Variants in TBCE observed in about 807,000 individuals in gnomAD.
TBCE encodes tubulin-specific chaperone E.
In TBCE, 53 loss-of-function variants were observed where a neutral mutation model predicts 77.0. The observed-to-expected ratio is 0.69, with a 90% CI of 0.55 to 0.87. TBCE has a LOEUF of 0.87. Among genes scored for constraint, TBCE ranks in the 40% least tolerant of loss-of-function variants. The pLI is 0.00. For missense variants in TBCE, 624 were observed against 622.4 expected (o/e 1.00, Z -0.03); for synonymous variants, 235 against 241.3 (o/e 0.97, Z 0.24).
At chr1:235,426,483 G>A (rs147024044) in intron 5 of TBCE, among the ~76,000 whole-genome samples, 6 of 152,266 alleles carry the variant, frequency 3.9e-5, no homozygotes, top group African/African-American at 1.4e-4. Context: ...GGTGAGGCTT[G>A]TGTGTATACC....
chr1:235,383,347 G>C (rs1436284096), intron 2 of TBCE, among the ~76,000 whole-genome samples: 1 of 152,078 alleles, frequency 6.6e-6, no homozygotes, highest in Non-Finnish European at 1.5e-5. Flanking sequence ...TTCCAATTCT[G>C]TGAAGAAAGT....
At position 235,450,639 on chromosome 1, in the gene TBCE, T is replaced by C. The variant is rs190592936; in HGVS notation, c.*1877T>C. Reference sequence around the variant, plus strand: ...TAGAAACCACAAGTGAGTTTCATGTTTGCTAGTAAAGGTGTGTCTATGGCA... The same window carrying C: ...TAGAAACCACAAGTGAGTTTCATGTCTGCTAGTAAAGGTGTGTCTATGGCA... On this transcript the variant is annotated 3_prime_UTR_variant, in exon 17 of 17. Coordinates refer to ENST00000642610, the MANE Select transcript of TBCE (RefSeq NM_003193.5). 2.8e-4 allele frequency: 98 copies of C among 346,762 alleles called. No individual in the cohort carries two copies. The highest frequency in any genetic ancestry group is 2.0e-3 in the African/African-American group (94 of 48,182). The allele number at this position is 346,762 out of a possible 1,614,324, so 21.5% of individuals were successfully genotyped here. A position where few individuals can be genotyped will look rare whatever the true frequency, so the allele number is the denominator to read the frequency against.
intron 5 of TBCE, among the ~76,000 whole-genome samples, chr1:235,420,869 C>T (rs1255274995): frequency 6.6e-6 from 1 of 152,068 alleles, no homozygotes; most frequent in Non-Finnish European, 1.5e-5. Flanking sequence ...CAGGTGATTC[C>T]CCTGCCTCGG....
intron 2 of TBCE, among the ~76,000 whole-genome samples, chr1:235,398,934 C>T (rs192821762): frequency 1.4e-3 from 212 of 151,564 alleles, no homozygotes; most frequent in African/African-American, 3.7e-3. Context: ...CGTGAGCTCC[C>T]GTGCCCAGCC....
At chr1:235,433,758 G>C (rs1681243788) in intron 7 of TBCE, 2 of 159,024 alleles carry the variant, frequency 1.3e-5, no homozygotes, top group South Asian at 3.6e-4. Flanking sequence ...AATGAAAGAA[G>C]AAATAATTGT....
rs377515576 is a variant in TBCE, at chr1:235,409,757, C to T, written c.186-4676C>T. Among the ~76,000 whole-genome samples the T allele has an allele frequency of 1.6e-4, 21 of 130,386 alleles. No individual in the cohort carries two copies. In the East Asian group the frequency reaches 2.0e-3, roughly 13 times the overall value. The allele number at this position is 130,386 out of a possible 152,430, so 85.5% of individuals were successfully genotyped here. On this transcript the variant is annotated intron_variant, in intron 3 of 16. Transcript: ENST00000642610. ...AAAGTGTAGATTTAGGGCCTGGCGC[C>T]GTGGCTCATGCCTGTAATCCCAGCA...
At position 235,380,967 on chromosome 1, in the gene TBCE, G is replaced by T. The variant is rs189364759; in HGVS notation, c.100+818G>T. On this transcript the variant is annotated intron_variant, in intron 2 of 16. Coordinates refer to ENST00000642610, the MANE Select transcript of TBCE (RefSeq NM_003193.5). ...CACCCGACTAATTTTGAATTTTTAGGGGAGACAGGGTTTCTCCATGTTGGT... is the reference window on the plus strand; with the variant it reads ...CACCCGACTAATTTTGAATTTTTAGTGGAGACAGGGTTTCTCCATGTTGGT... Among the ~76,000 whole-genome samples the T allele has an allele frequency of 5.4e-3, 825 of 151,544 alleles. 8 individuals are homozygous for T. Among genetic ancestry groups the T allele is most frequent in the African/African-American group, 0.02 (802 of 41,090 alleles).
At chr1:235,446,214 C>CA (rs1682269830) in intron 15 of TBCE, among the ~76,000 whole-genome samples, 1 of 151,836 alleles carries the variant, frequency 6.6e-6, no homozygotes. Context: ...CTCATTCTGT[C>CA]ACCCAGGCTA....
rs1001731271 is a variant in TBCE at position 235,448,573 on chromosome 1, G to C, written c.1492-97G>C. On this transcript the variant is annotated intron_variant, in intron 16 of 16. Coordinates refer to ENST00000642610, the MANE Select transcript of TBCE (RefSeq NM_003193.5). ...TCTGTTTGTTTGATTTTAAGGGTAA[G>C]CTACTGCCTGGGGACGGGGTGGGGG... is the stretch of plus-strand genomic sequence containing the variant. The C allele has an allele frequency of 7.3e-6, 10 of 1,373,388 alleles. No homozygotes were observed. The Admixed American group carries it at 1.7e-4, about 23-fold the overall frequency. The allele number at this position is 1,373,388 out of a possible 1,614,324, so 85.1% of individuals were successfully genotyped here. A position where few individuals can be genotyped will look rare whatever the true frequency, so the allele number is the denominator to read the frequency against.
In TBCE at chr1:235,404,347, G is replaced by T. The variant is rs561578900; in HGVS notation, c.185+2760G>T. Among the ~76,000 whole-genome samples the T allele has an allele frequency of 4.6e-5, 7 of 152,076 alleles. No individual in the cohort carries two copies. In the South Asian group the frequency reaches 1.2e-3, roughly 27 times the overall value. On this transcript the variant is annotated intron_variant, in intron 3 of 16. Coordinates refer to ENST00000642610, the MANE Select transcript of TBCE (RefSeq NM_003193.5). ...GTGCCTGTTAGTACCAGCTACTTGG[G>T]TGGCTGAGTCATTAGGATTGTTTAA...
chr1:235,414,731 T>G, intron 4 of TBCE, 113 bp downstream of exon 4: 3 of 1,032,786 alleles, frequency 2.9e-6, no homozygotes, highest in Non-Finnish European at 3.0e-6. Flanking sequence ...AACTGGTTTA[T>G]GGTTCCACAG....
intron 13 of TBCE, chr1:235,441,337 C>T (rs1040077072): frequency 1.8e-5 from 4 of 216,318 alleles, no homozygotes; most frequent in Admixed American, 5.3e-5. Context: ...CCTGGCACTG[C>T]ACGGTCTGGT....
At position 235,450,770 on chromosome 1, in the gene TBCE, T is replaced by C; in HGVS notation, c.*2008T>C. The C allele has an allele frequency of 6.4e-6, 1 of 155,478 alleles. No homozygotes were observed. Among genetic ancestry groups the C allele is most frequent in the East Asian group, 1.9e-4 (1 of 5,336 alleles). 9.6% of individuals were successfully genotyped at this position (155,478 alleles called of 1,614,324 possible). ...TAAATCTCACAGTAATGCTGTGAGG[T>C]AGGAACTATTTCCCTCTTAACAATT... On this transcript the variant is annotated 3_prime_UTR_variant, in exon 17 of 17. Coordinates refer to ENST00000642610, the MANE Select transcript of TBCE (RefSeq NM_003193.5).
intron 2 of TBCE, among the ~76,000 whole-genome samples, chr1:235,387,669 T>TC (rs1678109355): frequency 1.3e-5 from 2 of 152,160 alleles, no homozygotes; most frequent in South Asian, 4.1e-4. Flanking sequence ...AGTATTAGGG[T>TC]GGGAGTGACC....
At chr1:235,396,538 C>G (rs1029669556) in intron 2 of TBCE, among the ~76,000 whole-genome samples, 1 of 152,102 alleles carries the variant, frequency 6.6e-6, no homozygotes, top group African/African-American at 2.4e-5. Flanking sequence ...TATGGCAGTT[C>G]TATTTTTAGT....
intron 1 of TBCE, among the ~76,000 whole-genome samples, chr1:235,374,331 A>T (rs191406707): frequency 6.9e-6 from 1 of 145,964 alleles, no homozygotes; most frequent in Non-Finnish European, 1.5e-5. Flanking sequence ...TGTGGCGTTC[A>T]GTTCTAGATA....
intron 15 of TBCE, chr1:235,443,119 T>A (rs950910677): frequency 2.3e-5 from 14 of 596,058 alleles, no homozygotes; most frequent in Non-Finnish European, 3.9e-5. Context: ...CCTAACTTTA[T>A]CAGCTGAAAG....
chr1:235,385,915 T>C (rs749943630), intron 2 of TBCE, among the ~76,000 whole-genome samples: 2 of 152,218 alleles, frequency 1.3e-5, no homozygotes, highest in African/African-American at 2.4e-5. Flanking sequence ...CCAGCCTTGA[T>C]GGTCTTTACA....
At position 235,445,074 on chromosome 1, in the gene TBCE, T is replaced by TAG. The variant is rs561676825; in HGVS notation, c.1399+2164_1399+2165dup. Among the ~76,000 whole-genome samples the TAG allele has an allele frequency of 3.8e-3, 578 of 152,380 alleles. 4 individuals carry two copies. The highest frequency in any genetic ancestry group is 0.013 in the African/African-American group (554 of 41,598). ...CATGCTGTTTTTATTAATCTTTGGG[T>TAG]AGCTAGCAGAGATTCGACTATCCAT... On this transcript the variant is annotated intron_variant, in intron 15 of 16. Transcript: ENST00000642610.
Sources: gnomAD v4.1 joint callset for allele counts (sites outside exome capture counted in the v4.1 genomes callset) on GRCh38, gnomAD v4.1.1 for gene constraint, MANE v1.5 for transcripts, NCBI Gene and HGNC (gene_info 2026-07-23, HGNC 2026-07-21) for gene names.